The following CXCL8 variants were observed in gnomAD, a reference collection of about 807,000 sequenced individuals.
CXCL8 encodes C-X-C motif chemokine ligand 8.
A neutral mutation model predicts 10.9 loss-of-function variants in CXCL8; 12 were observed. That is an observed-to-expected ratio of 1.10 (90% CI 0.71 to 1.79). The LOEUF (loss-of-function observed/expected upper bound fraction) is 1.79. Ranked by LOEUF, CXCL8 falls within the 40% of genes most tolerant of loss-of-function variation. The probability of loss-of-function intolerance (pLI) is 0.00; values close to 1 mark genes in which losing one functional copy is unlikely to be tolerated. For missense variants in CXCL8, 145 were observed against 113.4 expected (o/e 1.28, Z -1.26); for synonymous variants, 41 against 39.6 (o/e 1.03, Z -0.13).
chr4:73,741,447 G>C (rs1729170132), intron 1 of CXCL8, 95 bp from the exon 2 acceptor site: 1 of 1,187,948 alleles, frequency 8.4e-7, no homozygotes, highest in African/African-American at 1.5e-5. Context: ...GCCTTCCATA[G>C]TCTCCAAATA....
chr4:73,742,288 T>C, intron 3 of CXCL8, 161 bp from the exon 4 acceptor site: 3 of 581,696 alleles, frequency 5.2e-6, no homozygotes, highest in Non-Finnish European at 9.2e-6. Flanking sequence ...CTCCCAGTAG[T>C]GTCCTATTTT....
At position 73,741,657 on chromosome 4, in the gene CXCL8, C is replaced by G; in HGVS notation, c.180C>G (p.His60Gln). 6.2e-7 allele frequency: 1 copy of G among 1,613,290 alleles called. No individual in the cohort carries two copies. Among genetic ancestry groups the G allele is most frequent in the East Asian group, 2.2e-5 (1 of 44,854 alleles). The stretch of plus-strand genomic sequence containing the variant: ...TGAGAGTGATTGAGAGTGGACCACA[C>G]TGCGCCAACACAGAAATTATGTAAG... ...KELRVIESGP[H>Q]CANTEIIVKL... The change falls in exon 2 of 4, where the codon CAC becomes CAG. Residue 60 changes from histidine (H) to glutamine (Q), a missense_variant. Physicochemically the swap from His to Gln is conservative, Grantham distance 24. Transcript: ENST00000307407.
At chr4:73,741,804 A>G in intron 2 of CXCL8, 127 bp downstream of exon 2, 2 of 979,590 alleles carry the variant, frequency 2.0e-6, no homozygotes, top group Non-Finnish European at 3.1e-6. Flanking sequence ...AAATAAAAAT[A>G]TTTGTCTACA....
Position 73,742,674 on chromosome 4 carries a change from T to C in CXCL8, c.*210T>C, listed in dbSNP as rs200332241. 1 of 383,824 alleles carries C rather than the reference T, an allele frequency of 2.6e-6. No individual in the cohort carries two copies. 23.8% of individuals were successfully genotyped at this position (383,824 alleles called of 1,614,324 possible). A position where few individuals can be genotyped will look rare whatever the true frequency, so the allele number is the denominator to read the frequency against. On this transcript the variant is annotated 3_prime_UTR_variant, in exon 4 of 4. Transcript: ENST00000307407. ...CCAGAACATACTTATATGTAAAGTA[T>C]TATTTATTTGAATCTACAAAAAACA...
chr4:73,741,464 T>A, intron 1 of CXCL8, 78 bp from the exon 2 acceptor site: 1 of 1,358,624 alleles, frequency 7.4e-7, no homozygotes, highest in Non-Finnish European at 1.0e-6. Flanking sequence ...AATAATCATA[T>A]TGGAATTAGA....
chr4:73,740,813 A>G (rs940560357), intron 1 of CXCL8, 91 bp downstream of exon 1: 1 of 1,009,664 alleles, frequency 9.9e-7, no homozygotes, highest in Non-Finnish European at 1.5e-6. Flanking sequence ...GGTAACAAAC[A>G]TCCTTTTTAT....
intron 1 of CXCL8, among the ~76,000 whole-genome samples, 193 bp downstream of exon 1, chr4:73,740,915 G>C (rs1329221698): frequency 6.6e-6 from 1 of 152,086 alleles, no homozygotes; most frequent in Non-Finnish European, 1.5e-5. Flanking sequence ...TATAAAGTTT[G>C]ATCAATATAG....
intron 1 of CXCL8, 103 bp from the exon 2 acceptor site, chr4:73,741,439 C>T: frequency 3.6e-6 from 4 of 1,112,812 alleles, no homozygotes; most frequent in Non-Finnish European, 5.2e-6. Context: ...AACATGATGC[C>T]TTCCATAGTC....
chr4:73,741,463 A>G (rs1199870771), intron 1 of CXCL8, 79 bp from the exon 2 acceptor site: 19 of 1,329,128 alleles, frequency 1.4e-5, no homozygotes, highest in Non-Finnish European at 2.0e-5. Flanking sequence ...AAATAATCAT[A>G]TTGGAATTAG....
At position 73,740,642 on chromosome 4, in the gene CXCL8, T is replaced by G; in HGVS notation, c.-17T>G. 1 of 1,612,188 alleles carries G rather than the reference T, an allele frequency of 6.2e-7. No homozygotes were observed. Among genetic ancestry groups the G allele is most frequent in the African/African-American group, 1.3e-5 (1 of 74,956 alleles). On this transcript the variant is annotated 5_prime_UTR_variant, in exon 1 of 4. Coordinates refer to ENST00000307407, the MANE Select transcript of CXCL8 (RefSeq NM_000584.4). ...AGGAAGAAACCACCGGAAGGAACCA[T>G]CTCACTGTGTGTAAACATGACTTCC...
chr4:73,743,406 C>T lies in CXCL8; in HGVS notation c.*942C>T, dbSNP rs201486099. Reference sequence around the variant, plus strand: ...TTGAACTAACAATCCTAGTTTGATACTCCCAGTCTTGTCATTGCCAGCTGT... The same window carrying T: ...TTGAACTAACAATCCTAGTTTGATATTCCCAGTCTTGTCATTGCCAGCTGT... On this transcript the variant is annotated 3_prime_UTR_variant, in exon 4 of 4. Transcript: ENST00000307407. 9.7e-6 allele frequency: 2 copies of T among 205,368 alleles called. No individual in the cohort carries two copies. The highest frequency in any genetic ancestry group is 3.8e-4 in the South Asian group (2 of 5,310). The allele number at this position is 205,368 out of a possible 1,614,324, so 12.7% of individuals were successfully genotyped here.
In CXCL8 at chr4:73,742,567, G is replaced by T; in HGVS notation, c.*103G>T. The T allele has an allele frequency of 1.8e-6, 1 of 568,964 alleles. No homozygotes were observed. The highest frequency in any genetic ancestry group is 3.0e-6 in the Non-Finnish European group (1 of 328,722). 35.2% of individuals were successfully genotyped at this position (568,964 alleles called of 1,614,324 possible). ...ATGTATTGTGTGGGTCTGTTGTAGG[G>T]TTGCCAGATGCAATACAAGATTCCT... On this transcript the variant is annotated 3_prime_UTR_variant, in exon 4 of 4. Coordinates refer to ENST00000307407, the MANE Select transcript of CXCL8 (RefSeq NM_000584.4).
At chr4:73,742,143 T>A in intron 3 of CXCL8, 111 bp downstream of exon 3, 1 of 517,248 alleles carries the variant, frequency 1.9e-6, no homozygotes, top group Non-Finnish European at 3.2e-6. Context: ...GGTATCTGCC[T>A]TTTTGGTTAA....
At chr4:73,742,149 GT>G in intron 3 of CXCL8, 117 bp downstream of exon 3, 1 of 505,838 alleles carries the variant, frequency 2.0e-6, no homozygotes. Context: ...TGCCTTTTTG[GT>G]TAAAAAAAAA....
rs748504611 is a variant in CXCL8, at chr4:73,741,919, T to C, written c.201-30T>C. 9.4e-6 allele frequency: 14 copies of C among 1,496,160 alleles called. No homozygotes were observed. In the African/African-American group the frequency reaches 1.5e-4, roughly 16 times the overall value. The allele number at this position is 1,496,160 out of a possible 1,614,324, so 92.7% of individuals were successfully genotyped here. On this transcript the variant is annotated intron_variant, in intron 2 of 3. Coordinates refer to ENST00000307407, the MANE Select transcript of CXCL8 (RefSeq NM_000584.4). ...ATGATTTGAATGCAAAAACTAAATA[T>C]TAATCTGAACCATTTCTTTCTTATT...
rs1372782191 is a variant in CXCL8, at chr4:73,742,833, A to G, written c.*369A>G. On this transcript the variant is annotated 3_prime_UTR_variant, in exon 4 of 4. Coordinates refer to ENST00000307407, the MANE Select transcript of CXCL8 (RefSeq NM_000584.4). ...AATTGAATGGGTTTGCTAGAATGTG[A>G]TATTTGAAGCATCACATAAAAATGA... The G allele has an allele frequency of 4.2e-6, 1 of 236,446 alleles. No individual in the cohort carries two copies. Among genetic ancestry groups the G allele is most frequent in the Admixed American group, 5.6e-5 (1 of 17,866 alleles). The allele number at this position is 236,446 out of a possible 1,614,324, so 14.6% of individuals were successfully genotyped here. A position where few individuals can be genotyped will look rare whatever the true frequency, so the allele number is the denominator to read the frequency against.
chr4:73,741,979 T>C lies in CXCL8; in HGVS notation c.231T>C (p.Cys77=). 1 of 1,611,646 alleles carries C rather than the reference T, an allele frequency of 6.2e-7. No individual in the cohort carries two copies. Among genetic ancestry groups the C allele is most frequent in the Non-Finnish European group, 8.5e-7 (1 of 1,178,120 alleles). ...AGCTTTCTGATGGAAGAGAGCTCTGTCTGGACCCCAAGGAAAACTGGGTGC... is the reference window on the plus strand; with the variant it reads ...AGCTTTCTGATGGAAGAGAGCTCTGCCTGGACCCCAAGGAAAACTGGGTGC... ...IVKLSDGREL[C]LDPKENWVQR... Residue 77 remains cysteine, a synonymous_variant, in exon 3 of 4, where the codon TGT becomes TGC. Coordinates refer to ENST00000307407, the MANE Select transcript of CXCL8 (RefSeq NM_000584.4).
chr4:73,742,151 TAA>T (rs369603475), intron 3 of CXCL8, 119 bp downstream of exon 3: 838 of 551,010 alleles, frequency 1.5e-3, no homozygotes, highest in South Asian at 2.3e-3. Context: ...CCTTTTTGGT[TAA>T]AAAAAAAAGG....
In CXCL8 at chr4:73,741,526, C is replaced by A; in HGVS notation, c.65-16C>A. On this transcript the variant is annotated splice_polypyrimidine_tract_variant and intron_variant, in intron 1 of 3. Transcript: ENST00000307407. ...TGTTGATAAAATCAATCCTTAATCACTTTTTCCCCCAACAGGTGCAGTTTT... is the reference window on the plus strand; with the variant it reads ...TGTTGATAAAATCAATCCTTAATCAATTTTTCCCCCAACAGGTGCAGTTTT... 6.2e-7 allele frequency: 1 copy of A among 1,611,402 alleles called. No homozygotes were observed. The highest frequency in any genetic ancestry group is 1.1e-5 in the South Asian group (1 of 90,652).
Sources: allele counts gnomAD v4.1 joint callset (sites outside exome capture counted in the v4.1 genomes callset), GRCh38; gene constraint gnomAD v4.1.1; transcripts MANE v1.5; gene names NCBI Gene and HGNC (gene_info 2026-07-23, HGNC 2026-07-21).